The following PDE4D variants were observed in gnomAD, a reference collection of about 807,000 sequenced individuals.
PDE4D encodes the protein phosphodiesterase 4D.
In PDE4D, 24 loss-of-function variants were observed where a neutral mutation model predicts 87.4. The ratio of observed to expected loss-of-function variants is 0.27; its 90% CI spans 0.20 to 0.39. The LOEUF is 0.39. PDE4D is among the 10% of genes least tolerant of loss of function. The probability of loss-of-function intolerance (pLI) is 1.00; values close to 1 mark genes in which losing one functional copy is unlikely to be tolerated. For missense variants in PDE4D, 714 were observed against 1,041.0 expected (o/e 0.69, Z 4.32); for synonymous variants, 384 against 383.2 (o/e 1.00, Z -0.02).
intron 5 of PDE4D, among the ~76,000 whole-genome samples, chr5:59,168,878 C>T (rs531810403): frequency 2.0e-5 from 3 of 152,282 alleles, no homozygotes; most frequent in African/African-American, 7.2e-5. Context: ...TCAAATTATT[C>T]AACTTGTCTA....
chr5:59,668,918 G>GA (rs776993674), intron 1 of PDE4D, among the ~76,000 whole-genome samples: 189 of 70,810 alleles, frequency 2.7e-3, no homozygotes, highest in East Asian at 0.023. Context: ...AGAAGAAGAA[G>GA]AAGAAAGAAA....
In PDE4D at chr5:59,101,915, A is replaced by G. The variant is rs185322763; in HGVS notation, c.809-62944T>C. ...ACTAAGAATTGGGGAAGGGAGGCTT[A>G]AAATTCACCTTATGTTTGTTTAACA... On this transcript the variant is annotated intron_variant, in intron 5 of 14. Transcript: ENST00000340635. Among the ~76,000 whole-genome samples the G allele has an allele frequency of 2.0e-5, 3 of 152,220 alleles. No individual in the cohort carries two copies. The East Asian group carries it at 5.8e-4, about 29-fold the overall frequency.
At chr5:59,858,538 GAGA>G (rs888193299) in intron 1 of PDE4D, among the ~76,000 whole-genome samples, 9 of 151,972 alleles carry the variant, frequency 5.9e-5, no homozygotes, top group East Asian at 5.8e-4. Flanking sequence ...CCATCTCCAC[GAGA>G]AGAACACACC....
At chr5:59,290,257 C>G (rs1767763281) in intron 1 of PDE4D, among the ~76,000 whole-genome samples, 1 of 151,546 alleles carries the variant, frequency 6.6e-6, no homozygotes, top group South Asian at 2.1e-4. Context: ...AGTTTTGAAC[C>G]CAGAAATGAA....
At chr5:60,017,275 T>C (rs904739909) in intron 2 of PDE4D, among the ~76,000 whole-genome samples, 2 of 151,730 alleles carry the variant, frequency 1.3e-5, no homozygotes, top group Non-Finnish European at 2.9e-5. Context: ...ACAAAGAGAG[T>C]AGATTTAGCA....
At chr5:59,704,036 A>G (rs1164528247) in intron 1 of PDE4D, among the ~76,000 whole-genome samples, 4 of 152,298 alleles carry the variant, frequency 2.6e-5, no homozygotes, top group African/African-American at 9.6e-5. Flanking sequence ...GAAATGTAAC[A>G]CATGACCTCC....
At chr5:59,093,436 T>C (rs1222561883) in intron 5 of PDE4D, among the ~76,000 whole-genome samples, 1 of 152,216 alleles carries the variant, frequency 6.6e-6, no homozygotes, top group Non-Finnish European at 1.5e-5. Flanking sequence ...TGAAAGCCTA[T>C]AGAGTTTGCA....
At position 59,779,434 on chromosome 5, in the gene PDE4D, C is replaced by T. The variant is rs191772593; in HGVS notation, c.455+113734G>A. 1.3e-4 allele frequency among the ~76,000 whole-genome samples: 20 copies of T among 152,140 alleles called. No individual in the cohort carries two copies. In the East Asian group the frequency reaches 2.7e-3, roughly 21 times the overall value. On this transcript the variant is annotated intron_variant, in intron 1 of 14. Transcript: ENST00000340635. ...TGCTATTAGGACGTGAAATGAGGCTCGTAGAAATGAGACATGAAATTTTTA... is the reference window on the plus strand; with the variant it reads ...TGCTATTAGGACGTGAAATGAGGCTTGTAGAAATGAGACATGAAATTTTTA...
intron 2 of PDE4D, among the ~76,000 whole-genome samples, chr5:60,062,324 C>T (rs1427117931): frequency 6.6e-6 from 1 of 152,132 alleles, no homozygotes; most frequent in Non-Finnish European, 1.5e-5. Flanking sequence ...CACAACATCA[C>T]TGATCATTAA....
At position 58,975,536 on chromosome 5, in the gene PDE4D, G is replaced by T; in HGVS notation, c.2013+121C>A. The T allele has an allele frequency of 1.4e-6, 1 of 716,440 alleles. No homozygotes were observed. Among genetic ancestry groups the T allele is most frequent in the Non-Finnish European group, 2.1e-6 (1 of 478,534 alleles). The allele number at this position is 716,440 out of a possible 1,614,324, so 44.4% of individuals were successfully genotyped here. A position where few individuals can be genotyped will look rare whatever the true frequency, so the allele number is the denominator to read the frequency against. ...ATCATAAATACTAAGGTGAAATTGAGCTTGTCAAAAACAAAGTAATTTTAA... is the reference window on the plus strand; with the variant it reads ...ATCATAAATACTAAGGTGAAATTGATCTTGTCAAAAACAAAGTAATTTTAA... On this transcript the variant is annotated intron_variant, in intron 14 of 14. Coordinates refer to ENST00000340635, the MANE Select transcript of PDE4D (RefSeq NM_001104631.2). This position sits in a 1 kb window ranked among gnomAD's most constrained non-coding sequence, Gnocchi z 4.2.
chr5:58,994,103 T>A (rs1748593501), intron 6 of PDE4D, among the ~76,000 whole-genome samples: 1 of 152,206 alleles, frequency 6.6e-6, no homozygotes, highest in Non-Finnish European at 1.5e-5. Context: ...TGTATAATGT[T>A]TCCTTTTAAA....
At chr5:59,073,129 T>C (rs1391408352) in intron 5 of PDE4D, among the ~76,000 whole-genome samples, 1 of 152,226 alleles carries the variant, frequency 6.6e-6, no homozygotes, top group Non-Finnish European at 1.5e-5. Flanking sequence ...AGTTGGTAAG[T>C]ATGAAGCATC....
chr5:59,337,326 C>T (rs888939311), intron 1 of PDE4D, among the ~76,000 whole-genome samples: 1 of 141,466 alleles, frequency 7.1e-6, no homozygotes, highest in Non-Finnish European at 1.5e-5. Context: ...CATAAGTTCC[C>T]CCCCCCCCAC....
chr5:58,977,381 C>T (rs752575613), intron 11 of PDE4D, 36 bp from the exon 12 acceptor site: 1 of 1,582,692 alleles, frequency 6.3e-7, no homozygotes, highest in Admixed American at 1.9e-5. Flanking sequence ...ATCAGCAAAA[C>T]TGTTTGTGAG....
At chr5:59,774,696 T>C (rs917274949) in intron 1 of PDE4D, among the ~76,000 whole-genome samples, 7 of 151,220 alleles carry the variant, frequency 4.6e-5, no homozygotes, top group Non-Finnish European at 1.0e-4. Flanking sequence ...TTTCTTTTTT[T>C]TTTTTTTCTG....
At chr5:59,567,740 T>C (rs548751603) in intron 1 of PDE4D, among the ~76,000 whole-genome samples, 42 of 152,290 alleles carry the variant, frequency 2.8e-4, no homozygotes, top group African/African-American at 9.9e-4. Flanking sequence ...AACAATTAAG[T>C]AAGCAAATGA....
intron 5 of PDE4D, among the ~76,000 whole-genome samples, chr5:59,060,239 A>G (rs1353469526): frequency 6.6e-6 from 1 of 152,164 alleles, no homozygotes; most frequent in African/African-American, 2.4e-5. Context: ...ATAAGATGGA[A>G]AGAGCACGTG....
At chr5:59,832,665 A>C (rs577399126) in intron 1 of PDE4D, among the ~76,000 whole-genome samples, 6 of 152,184 alleles carry the variant, frequency 3.9e-5, no homozygotes, top group African/African-American at 1.4e-4. Context: ...TCAAAAGCCT[A>C]AACATTTATG....
chr5:59,395,465 G>A (rs1789213497), intron 1 of PDE4D, among the ~76,000 whole-genome samples: 2 of 152,144 alleles, frequency 1.3e-5, no homozygotes, highest in Admixed American at 1.3e-4. Flanking sequence ...GGCTCCAGCA[G>A]GGGCAGGCTG....
Sources: allele counts gnomAD v4.1 joint callset (sites outside exome capture counted in the v4.1 genomes callset), GRCh38; gene constraint gnomAD v4.1.1; non-coding constraint Gnocchi (gnomAD v3.1); transcripts MANE v1.5; gene names NCBI Gene and HGNC (gene_info 2026-07-23, HGNC 2026-07-21).